Variants in DLG2 observed in about 807,000 individuals in gnomAD.
The protein encoded by DLG2 is discs large MAGUK scaffold protein 2, also known as disks large homolog 2.
Under a neutral mutation model 132.5 loss-of-function variants are expected in DLG2, and 45 were observed. The observed-to-expected ratio is 0.34, with a 90% confidence interval of 0.27 to 0.44. The LOEUF is 0.44. Among genes scored for constraint, DLG2 ranks in the 20% least tolerant of loss-of-function variants. DLG2 has a pLI of 1.00. For missense variants in DLG2, 1,045 were observed against 1,196.9 expected (o/e 0.87, Z 1.87); for synonymous variants, 424 against 419.6 (o/e 1.01, Z -0.13).
chr11:84,183,167 A>G (rs149591220), intron 8 of DLG2, among the ~76,000 whole-genome samples: 29 of 152,344 alleles, frequency 1.9e-4, no homozygotes, highest in African/African-American at 6.5e-4. Context: ...TCATTTCATG[A>G]ATAAATTACA....
At chr11:85,384,044 C>G (rs1055691092) in intron 3 of DLG2, among the ~76,000 whole-genome samples, 1 of 152,148 alleles carries the variant, frequency 6.6e-6, no homozygotes, top group Non-Finnish European at 1.5e-5. Flanking sequence ...CTAGTTAATA[C>G]TCCTTTATAT....
intron 8 of DLG2, among the ~76,000 whole-genome samples, chr11:84,207,789 TA>T (rs1422885808): frequency 6.6e-6 from 1 of 152,108 alleles, no homozygotes; most frequent in Admixed American, 6.6e-5. Flanking sequence ...AACAACATGA[TA>T]AAAATGTAAA....
intron 7 of DLG2, among the ~76,000 whole-genome samples, chr11:84,267,651 G>T (rs898943252): frequency 4.6e-5 from 7 of 152,290 alleles, no homozygotes; most frequent in Middle Eastern, 3.4e-3. Flanking sequence ...GGAGTTTTGG[G>T]GGACCCAGAA....
chr11:84,681,911 A>G (rs2099731139), intron 6 of DLG2, among the ~76,000 whole-genome samples: 1 of 152,228 alleles, frequency 6.6e-6, no homozygotes, highest in Non-Finnish European at 1.5e-5. Flanking sequence ...TTGCTATTAT[A>G]GTATCTGCTT....
rs372141317 is a variant in DLG2 at position 84,641,405 on chromosome 11, T to C, written c.358-106674A>G. ...CTACTATTGACTTCCTTCAGAGATG[T>C]CCTTCTCAGTTGCCCTTCACTTTGA... is the stretch of plus-strand genomic sequence containing the variant. On this transcript the variant is annotated intron_variant, in intron 6 of 27. Coordinates refer to ENST00000376104, the MANE Select transcript of DLG2 (RefSeq NM_001142699.3). Among the ~76,000 whole-genome samples the C allele has an allele frequency of 1.2e-4, 18 of 152,356 alleles. 1 individual carries two copies. The East Asian group carries it at 2.7e-3, about 23-fold the overall frequency.
chr11:84,294,084 C>T (rs2098051619), intron 7 of DLG2, among the ~76,000 whole-genome samples: 1 of 152,136 alleles, frequency 6.6e-6, no homozygotes, highest in Non-Finnish European at 1.5e-5. Flanking sequence ...CCTTGTAACA[C>T]TGTAACACAA....
chr11:84,148,248 G>A (rs573309249), intron 9 of DLG2, among the ~76,000 whole-genome samples: 24 of 152,094 alleles, frequency 1.6e-4, no homozygotes, highest in African/African-American at 5.8e-4. Context: ...GATTCCAGGG[G>A]ACATGTGCAG....
intron 6 of DLG2, among the ~76,000 whole-genome samples, chr11:85,034,597 C>G (rs895816385): frequency 6.6e-6 from 1 of 152,092 alleles, no homozygotes; most frequent in African/African-American, 2.4e-5. Context: ...AGCATAAGAA[C>G]TGAGAGTAGT....
intron 11 of DLG2, among the ~76,000 whole-genome samples, chr11:84,040,398 T>C (rs1451750248): frequency 6.6e-6 from 1 of 151,768 alleles, no homozygotes; most frequent in African/African-American, 2.4e-5. Context: ...GATTTTTGTA[T>C]AATGTGTAAG....
chr11:83,507,116 T>C (rs2094744400), intron 21 of DLG2, among the ~76,000 whole-genome samples: 1 of 152,172 alleles, frequency 6.6e-6, no homozygotes, highest in South Asian at 2.1e-4. Context: ...GTATTATGTA[T>C]AGAGTCAATA....
intron 9 of DLG2, among the ~76,000 whole-genome samples, chr11:84,102,358 T>C (rs2092602664): frequency 6.6e-6 from 1 of 152,038 alleles, no homozygotes; most frequent in Non-Finnish European, 1.5e-5. Flanking sequence ...ACTTGATGAA[T>C]GAAGTAACAG....
At chr11:84,095,124 G>A (rs755463293) in intron 10 of DLG2, among the ~76,000 whole-genome samples, 2 of 152,006 alleles carry the variant, frequency 1.3e-5, no homozygotes, top group Non-Finnish European at 2.9e-5. Context: ...CAGGGTGAAA[G>A]GAGACTGCAG....
At chr11:83,521,913 T>C (rs2095489648) in intron 21 of DLG2, among the ~76,000 whole-genome samples, 1 of 152,128 alleles carries the variant, frequency 6.6e-6, no homozygotes, top group Non-Finnish European at 1.5e-5. Flanking sequence ...AACCTCTTTA[T>C]TTACAAACAC....
chr11:85,621,887 A>G (rs1435935358), intron 2 of DLG2, among the ~76,000 whole-genome samples: 1 of 152,250 alleles, frequency 6.6e-6, no homozygotes, highest in Non-Finnish European at 1.5e-5. Flanking sequence ...ACCAATTCCA[A>G]TTTTGAAAGA....
intron 6 of DLG2, among the ~76,000 whole-genome samples, chr11:84,686,630 G>GTTTTGTT (rs2099738391): frequency 8.8e-6 from 1 of 113,800 alleles, no homozygotes; most frequent in African/African-American, 3.4e-5. Context: ...TGGCCTTGAG[G>GTTTTGTT]TTTTTTTTTT....
chr11:84,808,517 A>T (rs2076236451), intron 6 of DLG2, among the ~76,000 whole-genome samples: 1 of 152,086 alleles, frequency 6.6e-6, no homozygotes, highest in African/African-American at 2.4e-5. Context: ...AAAATCAATG[A>T]AACAAAGAAT....
chr11:85,159,029 A>G (rs906126258), intron 4 of DLG2, among the ~76,000 whole-genome samples: 1 of 152,072 alleles, frequency 6.6e-6, no homozygotes, highest in Non-Finnish European at 1.5e-5. Context: ...CACTACCAAC[A>G]ATTTATACTG....
At chr11:84,320,873 T>C (rs1425831691) in intron 7 of DLG2, among the ~76,000 whole-genome samples, 2 of 152,322 alleles carry the variant, frequency 1.3e-5, no homozygotes, top group East Asian at 1.9e-4. Flanking sequence ...CTGAATTAAT[T>C]ACAAGTCTAA....
chr11:83,995,681 A>G (rs1001209628), intron 11 of DLG2, among the ~76,000 whole-genome samples: 1 of 152,190 alleles, frequency 6.6e-6, no homozygotes, highest in Non-Finnish European at 1.5e-5. Context: ...TACATCTAGA[A>G]TCAACTCATT....
Sources: gnomAD v4.1 joint callset for allele counts (sites outside exome capture counted in the v4.1 genomes callset) on GRCh38, gnomAD v4.1.1 for gene constraint, MANE v1.5 for transcripts, NCBI Gene and HGNC (gene_info 2026-07-23, HGNC 2026-07-21) for gene names.